The following BTK variants were observed in gnomAD, a reference collection of about 807,000 sequenced individuals.
BTK encodes the protein Bruton tyrosine kinase.
BTK carries 5 observed loss-of-function variants against 57.4 expected under a neutral mutation model. The observed-to-expected ratio is 0.09, with a 90% CI of 0.05 to 0.18. BTK has a LOEUF of 0.18. BTK is among the 10% of genes least tolerant of loss of function. BTK has a pLI of 1.00. For synonymous variants in BTK, 154 were observed against 174.3 expected, an observed-to-expected ratio of 0.88 and a Z score of 0.92; for missense variants, 194 against 501.2, an observed-to-expected ratio of 0.39 and a Z score of 5.85.
Position 101,349,551 on chromosome X carries a change from A to C in BTK, c.*334T>G, listed in dbSNP as rs183674618. On this transcript the variant is annotated 3_prime_UTR_variant, in exon 19 of 19. Coordinates refer to ENST00000308731, the MANE Select transcript of BTK (RefSeq NM_000061.3). ...AAATTCGGTCCACCCCCACACACAC[A>C]CCCCCAAGCTCTACCAAATGCCTAC... 3,192 of 229,791 alleles carry C rather than the reference A, an allele frequency of 0.014. 113 individuals are homozygous for C. The highest frequency in any genetic ancestry group is 0.084 in the African/African-American group (2,907 of 34,520). 18.9% of individuals were successfully genotyped at this position (229,791 alleles called of 1,213,427 possible). A position where few individuals can be genotyped will look rare whatever the true frequency, so the allele number is the denominator to read the frequency against.
At chrX:101,366,608 A>G (rs1292578369) in intron 5 of BTK, among the ~76,000 whole-genome samples, 1 of 112,056 alleles carries the variant, frequency 8.9e-6, no homozygotes, top group Non-Finnish European at 1.9e-5. Context: ...AGCACCTGGG[A>G]CTGTCCTGGG....
At position 101,353,901 on chromosome X, in the gene BTK, C is replaced by T. The variant is rs1555977455; in HGVS notation, c.1719G>A (p.Lys573=). 6 of 1,211,449 alleles carry T rather than the reference C, an allele frequency of 5.0e-6. No individual in the cohort carries two copies. The highest frequency in any genetic ancestry group is 6.7e-6 in the Non-Finnish European group (6 of 894,837). The change falls in exon 17 of 19, where the codon AAG becomes AAA. Residue 573 remains lysine (K), a synonymous_variant. Coordinates refer to ENST00000308731, the MANE Select transcript of BTK (RefSeq NM_000061.3). The part of the protein sequence containing the change: ...WSPPEVLMYS[K]FSSKSDIWAF... ...CCCAAATGTCAGATTTGCTGCTGAA[C>T]TTGCTATACATCAGGACTTCCGGTG...
At chrX:101,353,565 T>G (rs1348585507) in intron 17 of BTK, among the ~76,000 whole-genome samples, 1 of 111,599 alleles carries the variant, frequency 9.0e-6, no homozygotes, top group Non-Finnish European at 1.9e-5. Flanking sequence ...AGACAGCATC[T>G]TATTTGTCTT....
In BTK at chrX:101,358,659, T is replaced by C; in HGVS notation, c.932A>G (p.Lys311Arg). ...CACAGACACTGTATATTTGCCAGCT[T>C]TGCTGGAGTCTCTGACAATGAAACC... ...EGGFIVRDSS[K>R]AGKYTVSVFA... is the part of the protein sequence containing the mutation. Residue 311 changes from lysine (K) to arginine (R), a missense_variant, in exon 11 of 19, where the codon AAA (lysine) becomes AGA (arginine). Coordinates refer to ENST00000308731, the MANE Select transcript of BTK (RefSeq NM_000061.3). The C allele has an allele frequency of 1.7e-6, 2 of 1,210,938 alleles. No individual in the cohort carries two copies. Among genetic ancestry groups the C allele is most frequent in the Non-Finnish European group, 2.2e-6 (2 of 894,902 alleles).
At chrX:101,380,661 A>G (rs1927379947) in intron 1 of BTK, among the ~76,000 whole-genome samples, 1 of 111,110 alleles carries the variant, frequency 9.0e-6, no homozygotes, top group Admixed American at 9.7e-5. Flanking sequence ...ATGTTTTCAT[A>G]TTATTATTAC....
At chrX:101,360,470 T>C in intron 8 of BTK, 98 bp downstream of exon 8, 1 of 943,676 alleles carries the variant, frequency 1.1e-6, no homozygotes, top group Non-Finnish European at 1.5e-6. Context: ...AAGAACAGTC[T>C]CTGATGAGGA....
intron 8 of BTK, 37 bp downstream of exon 8, chrX:101,360,531 C>A (rs1926627953): frequency 8.4e-7 from 1 of 1,192,051 alleles, no homozygotes; most frequent in African/African-American, 1.8e-5. Flanking sequence ...AGGGAGTGGG[C>A]AGGCACCAGG....
Position 101,353,275 on chromosome X carries a change from G to A in BTK, c.1827C>T (p.His609=), listed in dbSNP as rs1926355980. 1 of 1,209,545 alleles carries A rather than the reference G, an allele frequency of 8.3e-7. No homozygotes were observed. The highest frequency in any genetic ancestry group is 1.7e-5 in the African/African-American group (1 of 57,662). ...ERFTNSETAE[H]IAQGLRLYRP... Reference sequence around the variant, plus strand: ...TGTAGAGACGTAGGCCTTGGGCAATGTGTTCAGCAGTCTCACTGTTAGTAA... The same window carrying A: ...TGTAGAGACGTAGGCCTTGGGCAATATGTTCAGCAGTCTCACTGTTAGTAA... Residue 609 remains histidine (H), a synonymous_variant, in exon 18 of 19, where the codon CAC becomes CAT. Coordinates refer to ENST00000308731, the MANE Select transcript of BTK (RefSeq NM_000061.3).
chrX:101,366,132 C>T (rs1171133569), intron 5 of BTK, among the ~76,000 whole-genome samples: 4 of 111,285 alleles, frequency 3.6e-5, no homozygotes, highest in Admixed American at 9.6e-5. Context: ...ATTAGCTGGG[C>T]GTGGTGGTGA....
chrX:101,381,039 A>G (rs1481452083), intron 1 of BTK, among the ~76,000 whole-genome samples: 1 of 105,371 alleles, frequency 9.5e-6, no homozygotes, highest in African/African-American at 3.4e-5. Flanking sequence ...GAAAATTTAT[A>G]TATATATATA....
chrX:101,378,603 A>T (rs1245945714), intron 1 of BTK, among the ~76,000 whole-genome samples: 6 of 110,800 alleles, frequency 5.4e-5, no homozygotes, highest in Non-Finnish European at 7.6e-5. Context: ...GGGGAGGAGA[A>T]AAAATAGACA....
Position 101,386,120 on chromosome X carries a change from A to C in BTK, c.-89T>G, listed in dbSNP as rs1234531453. The C allele has an allele frequency of 8.9e-6, 1 of 111,841 alleles. No individual in the cohort carries two copies. The allele number at this position is 111,841 out of a possible 1,213,427, so 9.2% of individuals were successfully genotyped here. On this transcript the variant is annotated 5_prime_UTR_variant, in exon 1 of 19. Coordinates refer to ENST00000308731, the MANE Select transcript of BTK (RefSeq NM_000061.3). ...ATGCATTGAGATGCCAGGACTTGGAAGGTGGGACTCGATCGCAGCAGACAC... is the reference window on the plus strand; with the variant it reads ...ATGCATTGAGATGCCAGGACTTGGACGGTGGGACTCGATCGCAGCAGACAC...
At position 101,358,297 on chromosome X, in the gene BTK, C is replaced by T. The variant is rs782481754; in HGVS notation, c.1102+13G>A. 4.1e-6 allele frequency: 5 copies of T among 1,210,040 alleles called. No homozygotes were observed. Among genetic ancestry groups the T allele is most frequent in the East Asian group, 3.0e-5 (1 of 33,768 alleles). Reference sequence around the variant, plus strand: ...TGTCTGTAACTCCCTTCTCAGTTGCCCCTGGTACTCACCTGCAGAGTTGTG... The same window carrying T: ...TGTCTGTAACTCCCTTCTCAGTTGCTCCTGGTACTCACCTGCAGAGTTGTG... On this transcript the variant is annotated intron_variant, in intron 12 of 18. Transcript: ENST00000308731.
chrX:101,383,207 CTATG>C (rs1262376087), intron 1 of BTK, among the ~76,000 whole-genome samples: 4 of 111,384 alleles, frequency 3.6e-5, no homozygotes, highest in Non-Finnish European at 7.5e-5. Context: ...TTCGTAACAT[CTATG>C]TATGTATGTA....
Position 101,386,073 on chromosome X carries a change from CTT to C in BTK, c.-44_-43del, listed in dbSNP as rs782309206. On this transcript the variant is annotated 5_prime_UTR_variant, in exon 1 of 19. The change abolishes the stop of an existing upstream ORF in the 5' untranslated region. Coordinates refer to ENST00000308731, the MANE Select transcript of BTK (RefSeq NM_000061.3). ...TACCCCAGACCCACCTCAGTCCTGA[CTT>C]AATGCAGGTAGCTTCCCAGATGCAT... 1.8e-5 allele frequency: 2 copies of C among 111,688 alleles called. No individual in the cohort carries two copies. Among genetic ancestry groups the C allele is most frequent in the African/African-American group, 6.5e-5 (2 of 30,667 alleles). 9.2% of individuals were successfully genotyped at this position (111,688 alleles called of 1,213,427 possible).
chrX:101,376,452 A>T (rs1927217175), intron 1 of BTK, among the ~76,000 whole-genome samples: 1 of 111,142 alleles, frequency 9.0e-6, no homozygotes, highest in Non-Finnish European at 1.9e-5. Flanking sequence ...ACATGGCAAA[A>T]CCCCGTCTCT....
chrX:101,368,245 G>A (rs1052204735), intron 5 of BTK, among the ~76,000 whole-genome samples: 2 of 112,611 alleles, frequency 1.8e-5, no homozygotes, highest in Admixed American at 9.5e-5. Flanking sequence ...GTATTAAAGA[G>A]TTTGCTCATT....
intron 5 of BTK, among the ~76,000 whole-genome samples, chrX:101,368,095 C>T (rs1332644712): frequency 8.9e-6 from 1 of 111,909 alleles, no homozygotes; most frequent in African/African-American, 3.2e-5. Flanking sequence ...AACCGAGGGC[C>T]TTTGGGCAAG....
chrX:101,389,439 A>C (rs1389219295), upstream of BTK, among the ~76,000 whole-genome samples: 1 of 111,776 alleles, frequency 8.9e-6, no homozygotes, highest in Non-Finnish European at 1.9e-5. Flanking sequence ...TGGAAAGAAA[A>C]AGAAAATGCT....
Sources: allele counts gnomAD v4.1 joint callset (sites outside exome capture counted in the v4.1 genomes callset), GRCh38; gene constraint gnomAD v4.1.1; transcripts MANE v1.5; gene names NCBI Gene and HGNC (gene_info 2026-07-23, HGNC 2026-07-21).